HMCN1: variants seen among roughly 807,000 people sequenced by gnomAD.
HMCN1 encodes the protein hemicentin 1, also known as hemicentin-1.
Under a neutral mutation model 625.9 loss-of-function variants are expected in HMCN1, and 321 were observed. The ratio of observed to expected loss-of-function variants is 0.51; its 90% CI spans 0.47 to 0.56. HMCN1 has a LOEUF of 0.56. HMCN1 is among the 20% of genes least tolerant of loss of function. The probability of loss-of-function intolerance (pLI) is 0.00; values close to 1 mark genes in which losing one functional copy is unlikely to be tolerated. For missense variants in HMCN1, 6,588 were observed against 6,887.3 expected, an observed-to-expected ratio of 0.96 and a Z score of 1.54; for synonymous variants, 2,425 against 2,417.6, an observed-to-expected ratio of 1.00 and a Z score of -0.09.
intron 81 of HMCN1, among the ~76,000 whole-genome samples, chr1:186,124,286 G>A (rs953397677): frequency 3.3e-5 from 5 of 151,910 alleles, no homozygotes; most frequent in African/African-American, 1.2e-4. Context: ...CCAAAAAGTA[G>A]GTCAAAGAGT....
In HMCN1 at chr1:185,982,390, G is replaced by A; in HGVS notation, c.2790+1G>A. Reference sequence around the variant, plus strand: ...TCGGTGGATTAAGAATTCAGCTATGGTAAGAACATTTTAAATGCATGCATT... The same window carrying A: ...TCGGTGGATTAAGAATTCAGCTATGATAAGAACATTTTAAATGCATGCATT... On this transcript the variant is annotated splice_donor_variant, in intron 18 of 106. Coordinates refer to ENST00000271588, the MANE Select transcript of HMCN1 (RefSeq NM_031935.3). LOFTEE classifies it high-confidence loss of function. The A allele has an allele frequency of 3.1e-6, 5 of 1,612,372 alleles. No individual in the cohort carries two copies. Among genetic ancestry groups the A allele is most frequent in the Non-Finnish European group, 4.2e-6 (5 of 1,178,916 alleles).
intron 1 of HMCN1, among the ~76,000 whole-genome samples, chr1:185,814,879 A>G (rs1659749183): frequency 2.0e-5 from 3 of 149,416 alleles, no homozygotes; most frequent in Admixed American, 2.0e-4. Context: ...TTTAGTAGAG[A>G]TGGGGTTTCA....
At chr1:185,858,098 G>A (rs1662585446) in intron 2 of HMCN1, among the ~76,000 whole-genome samples, 1 of 152,066 alleles carries the variant, frequency 6.6e-6, no homozygotes, top group Non-Finnish European at 1.5e-5. Context: ...CCTGAGAAAG[G>A]ATTTTCAGAA....
At chr1:186,159,459 G>C (rs1031173219) in intron 97 of HMCN1, among the ~76,000 whole-genome samples, 21 of 151,970 alleles carry the variant, frequency 1.4e-4, no homozygotes, top group Non-Finnish European at 2.4e-4. Flanking sequence ...ACACTATGTT[G>C]AATAGGAGTG....
chr1:185,833,849 C>T (rs1157711859), intron 1 of HMCN1, among the ~76,000 whole-genome samples: 5 of 151,960 alleles, frequency 3.3e-5, no homozygotes, highest in African/African-American at 1.2e-4. Context: ...TTTTTCATTT[C>T]CTTAATTATT....
chr1:185,775,947 T>A (rs1656574465), intron 1 of HMCN1, among the ~76,000 whole-genome samples: 1 of 152,222 alleles, frequency 6.6e-6, no homozygotes, highest in Non-Finnish European at 1.5e-5. Flanking sequence ...AATGCTCTAA[T>A]AGGAGCAGGC....
At chr1:185,758,785 A>G (rs1307287296) in intron 1 of HMCN1, among the ~76,000 whole-genome samples, 1 of 151,396 alleles carries the variant, frequency 6.6e-6, no homozygotes, top group Admixed American at 6.6e-5. Context: ...TTTTGACTCA[A>G]TAGTTAGAGA....
chr1:185,741,140 A>C (rs1035455848), intron 1 of HMCN1, among the ~76,000 whole-genome samples: 1 of 152,168 alleles, frequency 6.6e-6, no homozygotes, highest in East Asian at 1.9e-4. Context: ...TGGAAGCAGC[A>C]TGAGGCCCTC....
intron 77 of HMCN1, among the ~76,000 whole-genome samples, chr1:186,118,489 C>A (rs1403629466): frequency 6.6e-6 from 1 of 152,180 alleles, no homozygotes; most frequent in Non-Finnish European, 1.5e-5. Context: ...AACCTAGCAA[C>A]TTCATTCCTA....
At chr1:185,797,923 G>A (rs904664014) in intron 1 of HMCN1, among the ~76,000 whole-genome samples, 6 of 93,690 alleles carry the variant, frequency 6.4e-5, no homozygotes, top group Non-Finnish European at 1.0e-4. Flanking sequence ...CCGAGATCCC[G>A]CCACTGCACT....
At position 185,965,882 on chromosome 1, in the gene HMCN1, G is replaced by A. The variant is rs1020192223; in HGVS notation, c.2179G>A (p.Gly727Ser). ...AACCGTTATGGAATGCAAAACCTCT[G>A]GTATTCCTCCACCTCAAGTTAAATG... ...DITVMECKTS[G>S]IPPPQVKWFK... Residue 727 changes from glycine to serine, a missense_variant, in exon 14 of 107, where the codon GGT (glycine) becomes AGT (serine). Physicochemically the swap from Gly to Ser is moderately conservative, Grantham distance 56. This residue lies in a region of HMCN1 where 4,628 missense variants were observed against 4,853.1 expected (regional missense o/e 0.95). Transcript: ENST00000271588. 3 of 1,604,738 alleles carry A rather than the reference G, an allele frequency of 1.9e-6. No individual in the cohort carries two copies. The highest frequency in any genetic ancestry group is 2.6e-6 in the Non-Finnish European group (3 of 1,171,872).
chr1:185,877,047 C>T (rs28885369), intron 4 of HMCN1, among the ~76,000 whole-genome samples: 7,373 of 151,952 alleles, frequency 0.049, 642 homozygotes, highest in African/African-American at 0.17. Flanking sequence ...TCAGGTCTTA[C>T]ATTTAAGTAT....
chr1:186,058,548 C>A (rs1657494371), intron 46 of HMCN1, among the ~76,000 whole-genome samples: 2 of 151,760 alleles, frequency 1.3e-5, no homozygotes, highest in Admixed American at 1.3e-4. Context: ...TATTTGGTAT[C>A]TAATCCAAAG....
At chr1:185,861,284 G>T (rs1010073976) in intron 2 of HMCN1, among the ~76,000 whole-genome samples, 1 of 152,150 alleles carries the variant, frequency 6.6e-6, no homozygotes, top group Non-Finnish European at 1.5e-5. Flanking sequence ...ATATTTCTTA[G>T]CTGTCCTCAT....
At chr1:185,829,180 T>C (rs1054866145) in intron 1 of HMCN1, among the ~76,000 whole-genome samples, 15 of 152,050 alleles carry the variant, frequency 9.9e-5, no homozygotes, top group African/African-American at 3.6e-4. Flanking sequence ...GTTAAATTTC[T>C]TGAGAGAGAT....
chr1:185,764,286 G>T (rs1268521802), intron 1 of HMCN1, among the ~76,000 whole-genome samples: 2 of 152,130 alleles, frequency 1.3e-5, no homozygotes, highest in Non-Finnish European at 2.9e-5. Flanking sequence ...ATGACAAATA[G>T]GTTCAGTAAA....
intron 4 of HMCN1, among the ~76,000 whole-genome samples, chr1:185,896,630 G>A (rs977110072): frequency 2.0e-5 from 3 of 152,118 alleles, no homozygotes; most frequent in African/African-American, 4.8e-5. Context: ...CAGAGAAACA[G>A]AAAGATCCTT....
chr1:185,877,807 G>A (rs1381658721), intron 4 of HMCN1, among the ~76,000 whole-genome samples: 2 of 151,866 alleles, frequency 1.3e-5, no homozygotes, highest in Non-Finnish European at 2.9e-5. Flanking sequence ...GTGTCACAGG[G>A]TTTTGGTATA....
intron 2 of HMCN1, among the ~76,000 whole-genome samples, chr1:185,848,950 T>G (rs1662000936): frequency 6.6e-6 from 1 of 152,194 alleles, no homozygotes; most frequent in African/African-American, 2.4e-5. Flanking sequence ...CTTGCATTTA[T>G]TCTTGCTTCT....
Sources: gnomAD v4.1 joint callset for allele counts (sites outside exome capture counted in the v4.1 genomes callset) on GRCh38, gnomAD v4.1.1 for gene constraint, gnomAD v4.1.1 regional missense constraint, MANE v1.5 for transcripts, NCBI Gene and HGNC (gene_info 2026-07-23, HGNC 2026-07-21) for gene names.